TDRD12: variants seen among roughly 807,000 people sequenced by gnomAD.
TDRD12 encodes tudor domain containing 12, also known as putative ATP-dependent RNA helicase TDRD12.
In TDRD12, 158 loss-of-function variants were observed where a neutral mutation model predicts 133.5. The ratio of observed to expected loss-of-function variants is 1.18; its 90% CI spans 1.04 to 1.35. The LOEUF is 1.35. Ranked by LOEUF, TDRD12 falls within the 40% of genes most tolerant of loss-of-function variation. The pLI is 0.00. For missense variants in TDRD12, 1,443 were observed against 1,321.3 expected (o/e 1.09, Z -1.43); for synonymous variants, 460 against 477.9 (o/e 0.96, Z 0.49).
intron 11 of TDRD12, among the ~76,000 whole-genome samples, chr19:32,786,241 G>A (rs1247267638): frequency 2.0e-5 from 3 of 152,160 alleles, no homozygotes; most frequent in Non-Finnish European, 1.5e-5. Flanking sequence ...TTTCAAGAAT[G>A]TTGAATATTG....
intron 1 of TDRD12, among the ~76,000 whole-genome samples, chr19:32,726,120 G>A (rs184980614): frequency 1.1e-4 from 16 of 148,742 alleles, no homozygotes; most frequent in Admixed American, 6.1e-4. Flanking sequence ...TTGCTCTGTC[G>A]CCCAGGCCGG....
At position 32,826,760 on chromosome 19, in the gene TDRD12, G is replaced by T; in HGVS notation, c.1049+162G>T. On this transcript the variant is annotated intron_variant, in intron 9 of 9. Transcript: ENST00000637289. ...GCCACTTCCCCAAGGGTAAGGCATA[G>T]AGCGCCCACTCTCCGAGGGGTTGTA... is the stretch of plus-strand genomic sequence containing the variant. 1 of 1,231,384 alleles carries T rather than the reference G, an allele frequency of 8.1e-7. No individual in the cohort carries two copies. Among genetic ancestry groups the T allele is most frequent in the Non-Finnish European group, 1.0e-6 (1 of 987,344 alleles). 76.3% of individuals were successfully genotyped at this position (1,231,384 alleles called of 1,614,324 possible).
intron 8 of TDRD12, 31 bp downstream of exon 8, chr19:32,757,161 G>C: frequency 6.7e-7 from 1 of 1,484,832 alleles, no homozygotes; most frequent in Non-Finnish European, 9.2e-7. Context: ...TTATTTCATA[G>C]GCAGCATGAA....
chr19:32,799,811 T>A (rs552216926), intron 16 of TDRD12, among the ~76,000 whole-genome samples: 183 of 141,462 alleles, frequency 1.3e-3, no homozygotes, highest in African/African-American at 4.4e-3. Context: ...CTTGGCTCAC[T>A]GTAACCTCCA....
At chr19:32,766,315 A>G (rs1009677611) in intron 8 of TDRD12, among the ~76,000 whole-genome samples, 1 of 152,192 alleles carries the variant, frequency 6.6e-6, no homozygotes, top group Non-Finnish European at 1.5e-5. Flanking sequence ...AATGTGAAAT[A>G]AGCACATCAT....
chr19:32,738,572 T>C (rs779742765), intron 2 of TDRD12, among the ~76,000 whole-genome samples: 1 of 152,222 alleles, frequency 6.6e-6, no homozygotes, highest in Non-Finnish European at 1.5e-5. Context: ...TCCCAGCACT[T>C]TGGGAGGCTG....
intron 14 of TDRD12, among the ~76,000 whole-genome samples, chr19:32,795,197 TG>T (rs749200032): frequency 3.5e-4 from 53 of 151,828 alleles, no homozygotes; most frequent in Non-Finnish European, 6.3e-4. Flanking sequence ...TAGGTGGGCA[TG>T]GTGGCATGCC....
chr19:32,820,510 TTAAG>T (rs1318365745), intron 27 of TDRD12, among the ~76,000 whole-genome samples: 2 of 152,196 alleles, frequency 1.3e-5, no homozygotes, highest in Non-Finnish European at 2.9e-5. Flanking sequence ...TAGCTAGTTA[TTAAG>T]TAGGATAAAA....
Position 32,790,581 on chromosome 19 carries a change from A to ATC in TDRD12, c.1175_1176dup (p.Gln393SerfsTer7), listed in dbSNP as rs1254832395. On this transcript the variant is annotated frameshift_variant, in exon 12 of 28. Transcript: ENST00000444215. LOFTEE classifies it high-confidence loss of function. ...CCTTTGAGAGCTGACGGAATCTCTGATCTCCAGCAGGTATTACAGGCCCTA... is the reference window on the plus strand; with the variant it reads ...CCTTTGAGAGCTGACGGAATCTCTGATCTCTCCAGCAGGTATTACAGGCCCTA... The ATC allele has an allele frequency of 6.4e-7, 1 of 1,552,008 alleles. No individual in the cohort carries two copies. Among genetic ancestry groups the ATC allele is most frequent in the Admixed American group, 2.0e-5 (1 of 51,014 alleles).
intron 11 of TDRD12, among the ~76,000 whole-genome samples, chr19:32,781,943 T>C (rs940355039): frequency 6.8e-6 from 1 of 147,798 alleles, no homozygotes; most frequent in Non-Finnish European, 1.5e-5. Context: ...CCTGAATTGG[T>C]TGAGTAATTT....
intron 1 of TDRD12, among the ~76,000 whole-genome samples, chr19:32,731,040 A>G (rs1384580894): frequency 1.3e-5 from 2 of 152,082 alleles, no homozygotes; most frequent in Non-Finnish European, 2.9e-5. Flanking sequence ...TTAACTTTTC[A>G]CTTTATATTT....
chr19:32,800,733 C>T (rs1195850779), exon 18 of TDRD12: 2 of 1,535,726 alleles, frequency 1.3e-6, no homozygotes, highest in East Asian at 2.4e-5. Context: ...AGACCTTGAT[C>T]TTCACCTGCT....
At chr19:32,744,510 A>C (rs866408640) in intron 4 of TDRD12, among the ~76,000 whole-genome samples, 8 of 149,830 alleles carry the variant, frequency 5.3e-5, no homozygotes, top group East Asian at 2.0e-4. Context: ...AAAAAAAAAA[A>C]AAAAAAAAAA....
chr19:32,719,777 T>C, exon 1 of TDRD12: 1 of 524,292 alleles, frequency 1.9e-6, no homozygotes, highest in Non-Finnish European at 3.5e-6. Context: ...CTGCTCAGCG[T>C]GCGCGGGCAT....
chr19:32,732,289 G>A (rs1236557266), intron 2 of TDRD12, among the ~76,000 whole-genome samples: 1 of 152,214 alleles, frequency 6.6e-6, no homozygotes, highest in Non-Finnish European at 1.5e-5. Context: ...ACAGGTGTGA[G>A]CCACTGTGCC....
chr19:32,769,334 G>A (rs1255428505), intron 8 of TDRD12, among the ~76,000 whole-genome samples: 1 of 152,134 alleles, frequency 6.6e-6, no homozygotes, highest in East Asian at 1.9e-4. Context: ...GCATCCAGTT[G>A]TTCCACTACA....
intron 10 of TDRD12, among the ~76,000 whole-genome samples, chr19:32,775,533 A>C (rs1208406318): frequency 6.6e-6 from 1 of 152,118 alleles, no homozygotes; most frequent in Non-Finnish European, 1.5e-5. Flanking sequence ...AAGTCTCGCT[A>C]TGTTGCCCTG....
chr19:32,819,464 ACT>A (rs1967304389), intron 27 of TDRD12, among the ~76,000 whole-genome samples: 1 of 152,250 alleles, frequency 6.6e-6, no homozygotes, highest in South Asian at 2.1e-4. Flanking sequence ...CTTTTAAGAT[ACT>A]TTTTTAGAAA....
In TDRD12 at chr19:32,813,755, TAC is replaced by T; in HGVS notation, c.3122_3123del (p.Thr1041SerfsTer4). On this transcript the variant is annotated frameshift_variant, in exon 25 of 28. Transcript: ENST00000444215. LOFTEE classifies it high-confidence loss of function. ...CAAAAGTGATCCTGGCTTTGGGAAA[TAC>T]AGTTTGGATTGATCCAATGGTAAGT... 1 of 1,534,064 alleles carries T rather than the reference TAC, an allele frequency of 6.5e-7. No individual in the cohort carries two copies. The highest frequency in any genetic ancestry group is 8.7e-7 in the Non-Finnish European group (1 of 1,145,206).
Sources: allele counts gnomAD v4.1 joint callset (sites outside exome capture counted in the v4.1 genomes callset), GRCh38; gene constraint gnomAD v4.1.1; transcripts MANE v1.5; gene names NCBI Gene and HGNC (gene_info 2026-07-23, HGNC 2026-07-21).